ADAM12: variants seen among roughly 807,000 people sequenced by gnomAD.
The protein encoded by ADAM12 is disintegrin and metalloproteinase domain-containing protein 12.
ADAM12 carries 70 observed loss-of-function variants against 106.4 expected under a neutral mutation model. The observed-to-expected ratio is 0.66, with a 90% confidence interval of 0.54 to 0.80. The LOEUF is 0.80. ADAM12 is among the 30% of genes least tolerant of loss of function. The probability of loss-of-function intolerance (pLI) is 0.00; values close to 1 mark genes in which losing one functional copy is unlikely to be tolerated. For missense variants in ADAM12, 1,010 were observed against 1,171.9 expected (o/e 0.86, Z 2.02); for synonymous variants, 420 against 433.5 (o/e 0.97, Z 0.39).
intron 5 of ADAM12, among the ~76,000 whole-genome samples, chr10:126,133,530 C>T (rs563097662): frequency 1.3e-5 from 2 of 152,274 alleles, no homozygotes; most frequent in South Asian, 2.1e-4. Context: ...AGACACCTAC[C>T]CAAGCCTCCG....
chr10:126,227,567 G>A (rs77286355), intron 3 of ADAM12, among the ~76,000 whole-genome samples: 6 of 152,028 alleles, frequency 3.9e-5, no homozygotes, highest in South Asian at 2.1e-4. Context: ...TTCTCAGTCC[G>A]CACCAGACCC....
chr10:126,020,482 G>A (rs1487862545), intron 21 of ADAM12, among the ~76,000 whole-genome samples: 1 of 152,092 alleles, frequency 6.6e-6, no homozygotes, highest in Non-Finnish European at 1.5e-5. Flanking sequence ...CAGGGAAGGT[G>A]GGGTTATTCC....
At chr10:126,197,823 G>A (rs913776887) in intron 3 of ADAM12, among the ~76,000 whole-genome samples, 2 of 152,188 alleles carry the variant, frequency 1.3e-5, no homozygotes, top group African/African-American at 2.4e-5. Context: ...CTTTGGGAAG[G>A]GAGGGAGGTT....
At chr10:126,065,066 A>C in intron 13 of ADAM12, 65 bp from the exon 14 acceptor site, 10 of 1,501,876 alleles carry the variant, frequency 6.7e-6, no homozygotes, top group Admixed American at 2.0e-5. Flanking sequence ...TCTCAGCATT[A>C]CTCCTGGGCT....
rs140203684 is a variant in ADAM12 at position 126,069,480 on chromosome 10, G to A, written c.1323+1997C>T. Among the ~76,000 whole-genome samples, 109 of 152,336 alleles carry A rather than the reference G, an allele frequency of 7.2e-4. 2 individuals are homozygous for A. The East Asian group carries it at 0.019, about 26-fold the overall frequency. ...TTGGCTCTGTACAAGGAGGGAGTTT[G>A]TAATAATCAAAGCTACCCTATAATG... On this transcript the variant is annotated intron_variant, in intron 12 of 22. Coordinates refer to ENST00000448723, the MANE Select transcript of ADAM12 (RefSeq NM_001288973.2).
At position 126,113,712 on chromosome 10, in the gene ADAM12, ATATATATATATATATATAT is replaced by A. The variant is rs1565067741; in HGVS notation, c.604-3891_604-3873del. Among the ~76,000 whole-genome samples the A allele has an allele frequency of 3.2e-3, 286 of 90,278 alleles. 8 individuals carry two copies. The highest frequency in any genetic ancestry group is 5.7e-3 in the Middle Eastern group (1 of 174). The allele number at this position is 90,278 out of a possible 152,430, so 59.2% of individuals were successfully genotyped here. ...AATATATATATATATATATATATATATATATATATATATATATATAATATATTGCTCTGGCTACTGGAAG... is the reference window on the plus strand; with the variant it reads ...AATATATATATATATATATATATATAAATATATTGCTCTGGCTACTGGAAG... On this transcript the variant is annotated intron_variant, in intron 6 of 22. Coordinates refer to ENST00000448723, the MANE Select transcript of ADAM12 (RefSeq NM_001288973.2).
intron 3 of ADAM12, among the ~76,000 whole-genome samples, chr10:126,178,989 G>A (rs571621124): frequency 1.4e-4 from 21 of 152,216 alleles, no homozygotes; most frequent in South Asian, 1.0e-3. Context: ...GGAGGCTGCG[G>A]TGAGCCAAGA....
intron 3 of ADAM12, among the ~76,000 whole-genome samples, chr10:126,263,793 C>A (rs1386678094): frequency 2.0e-5 from 3 of 152,228 alleles, no homozygotes; most frequent in African/African-American, 7.2e-5. Flanking sequence ...TTGGAAAAAG[C>A]AGCTGTCTTA....
At chr10:126,343,869 T>A (rs1190046052) in intron 1 of ADAM12, among the ~76,000 whole-genome samples, 1 of 152,212 alleles carries the variant, frequency 6.6e-6, no homozygotes, top group South Asian at 2.1e-4. Context: ...CACTTTTTGA[T>A]GGGGTTGTTT....
Position 126,135,675 on chromosome 10 carries a change from G to A in ADAM12, c.340-15C>T, listed in dbSNP as rs768083117. On this transcript the variant is annotated splice_polypyrimidine_tract_variant and intron_variant, in intron 4 of 22. Coordinates refer to ENST00000448723, the MANE Select transcript of ADAM12 (RefSeq NM_001288973.2). ...TAACAGTGACCCTAAAGGGGAGGAGGAGAGAATCCCATTTCAGTTATAACA... is the reference window on the plus strand; with the variant it reads ...TAACAGTGACCCTAAAGGGGAGGAGAAGAGAATCCCATTTCAGTTATAACA... 10 of 1,607,582 alleles carry A rather than the reference G, an allele frequency of 6.2e-6. No individual in the cohort carries two copies. Among genetic ancestry groups the A allele is most frequent in the Non-Finnish European group, 8.5e-6 (10 of 1,174,184 alleles).
chr10:126,265,987 C>A (rs1959088564), intron 3 of ADAM12, among the ~76,000 whole-genome samples: 1 of 151,984 alleles, frequency 6.6e-6, no homozygotes, highest in Non-Finnish European at 1.5e-5. Flanking sequence ...AAAAATAATT[C>A]TTTTTTTAGC....
At chr10:126,235,242 G>C (rs888257690) in intron 3 of ADAM12, among the ~76,000 whole-genome samples, 4 of 152,248 alleles carry the variant, frequency 2.6e-5, no homozygotes, top group African/African-American at 9.6e-5. Flanking sequence ...GACCTGGCCT[G>C]ACTGACCGGT....
At chr10:126,386,044 G>A (rs906782797) in intron 1 of ADAM12, among the ~76,000 whole-genome samples, 1 of 152,106 alleles carries the variant, frequency 6.6e-6, no homozygotes, top group Non-Finnish European at 1.5e-5. Context: ...TAAGGAAGTG[G>A]GTAGGTGGGA....
At chr10:126,058,702 G>A (rs570240904) in intron 14 of ADAM12, among the ~76,000 whole-genome samples, 36 of 152,292 alleles carry the variant, frequency 2.4e-4, no homozygotes, top group African/African-American at 7.9e-4. Flanking sequence ...TGCTGATCCC[G>A]GTCAGGATAG....
At chr10:126,184,140 C>T (rs1957360636) in intron 3 of ADAM12, among the ~76,000 whole-genome samples, 1 of 152,178 alleles carries the variant, frequency 6.6e-6, no homozygotes, top group South Asian at 2.1e-4. Flanking sequence ...CAGCCCCTTC[C>T]AAGAAGCACT....
At chr10:126,340,355 C>T (rs1854880462) in intron 1 of ADAM12, among the ~76,000 whole-genome samples, 2 of 152,264 alleles carry the variant, frequency 1.3e-5, no homozygotes, top group African/African-American at 4.8e-5. Flanking sequence ...TGCAAGGAAG[C>T]CCCATTCTAA....
chr10:126,256,155 G>T (rs898159414), intron 3 of ADAM12, among the ~76,000 whole-genome samples: 1 of 152,096 alleles, frequency 6.6e-6, no homozygotes, highest in African/African-American at 2.4e-5. Context: ...TGGCAACTTT[G>T]GTTTTTGCTC....
intron 3 of ADAM12, among the ~76,000 whole-genome samples, chr10:126,187,683 C>T (rs572111997): frequency 2.0e-4 from 30 of 152,272 alleles, no homozygotes; most frequent in Admixed American, 1.3e-3. Context: ...AAGGAAGAGG[C>T]GGAGCTGCAG....
At chr10:126,296,536 T>C (rs996312774) in intron 2 of ADAM12, among the ~76,000 whole-genome samples, 1 of 152,208 alleles carries the variant, frequency 6.6e-6, no homozygotes, top group Non-Finnish European at 1.5e-5. Context: ...CACACACCCC[T>C]GTTCCCTCAG....
Sources: gnomAD v4.1 joint callset for allele counts (sites outside exome capture counted in the v4.1 genomes callset) on GRCh38, gnomAD v4.1.1 for gene constraint, MANE v1.5 for transcripts, NCBI Gene and HGNC (gene_info 2026-07-23, HGNC 2026-07-21) for gene names.